Variants in NAA35 observed in about 807,000 individuals in gnomAD.
NAA35 encodes the protein MAK10 homolog, amino-acid N-acetyltransferase subunit.
A neutral mutation model predicts 101.7 loss-of-function variants in NAA35; 18 were observed. The ratio of observed to expected loss-of-function variants is 0.18; its 90% CI spans 0.12 to 0.26. The LOEUF (loss-of-function observed/expected upper bound fraction) is 0.26, where lower values mean the gene tolerates loss of function less well. Ranked by LOEUF, NAA35 falls within the 10% of genes least tolerant of loss-of-function variation. NAA35 has a pLI of 1.00. For missense variants in NAA35, 601 were observed against 886.8 expected (o/e 0.68, Z 4.09); for synonymous variants, 267 against 273.1 (o/e 0.98, Z 0.22).
intron 6 of NAA35, among the ~76,000 whole-genome samples, chr9:85,969,641 G>A (rs2117973699): frequency 6.6e-6 from 1 of 151,908 alleles, no homozygotes; most frequent in East Asian, 1.9e-4. Context: ...TTTTCAGCCA[G>A]ATCCTTTTTA....
chr9:85,972,132 C>G (rs2118001016), intron 6 of NAA35, among the ~76,000 whole-genome samples: 1 of 152,200 alleles, frequency 6.6e-6, no homozygotes, highest in South Asian at 2.1e-4. Context: ...TAAGACTCTT[C>G]TTGGCAAACT....
chr9:85,979,762 A>T (rs867682916), intron 11 of NAA35, among the ~76,000 whole-genome samples: 1 of 152,218 alleles, frequency 6.6e-6, no homozygotes, highest in Non-Finnish European at 1.5e-5. Flanking sequence ...TCATCAGTAC[A>T]GAAGACTTGA....
chr9:86,013,622 T>C, intron 16 of NAA35, 97 bp from the exon 17 acceptor site: 1 of 1,145,308 alleles, frequency 8.7e-7, no homozygotes. Context: ...ATTTAAATTT[T>C]CTGCTCATAT....
chr9:86,011,986 A>G (rs1480759180), intron 15 of NAA35, among the ~76,000 whole-genome samples: 1 of 143,038 alleles, frequency 7.0e-6, no homozygotes, highest in East Asian at 2.0e-4. Context: ...TATAATATAT[A>G]TTATATATAA....
At chr9:86,006,823 G>C (rs1266989338) in intron 13 of NAA35, among the ~76,000 whole-genome samples, 1 of 152,050 alleles carries the variant, frequency 6.6e-6, no homozygotes, top group Non-Finnish European at 1.5e-5. Flanking sequence ...TTTAAAAACA[G>C]TCTTAGGAAA....
rs1202739359 is a variant in NAA35, at chr9:86,018,694, T to C, written c.1915-5T>C. ...GTTTTGAATTATACTTCCCCTTCTT[T>C]TTAGGAAATGTCTGACCTCAATAAA... On this transcript the variant is annotated splice_region_variant and splice_polypyrimidine_tract_variant and intron_variant, in intron 20 of 22. Coordinates refer to ENST00000361671, the MANE Select transcript of NAA35 (RefSeq NM_024635.4). 3 of 1,607,834 alleles carry C rather than the reference T, an allele frequency of 1.9e-6. No homozygotes were observed. Among genetic ancestry groups the C allele is most frequent in the Non-Finnish European group, 2.5e-6 (3 of 1,178,492 alleles).
At chr9:85,989,247 C>T (rs1410049762) in intron 11 of NAA35, among the ~76,000 whole-genome samples, 1 of 151,614 alleles carries the variant, frequency 6.6e-6, no homozygotes, top group African/African-American at 2.4e-5. Flanking sequence ...CCAAGGTGGG[C>T]GGATCATGAG....
chr9:85,996,004 A>G (rs1232889454), intron 11 of NAA35, among the ~76,000 whole-genome samples: 1 of 152,206 alleles, frequency 6.6e-6, no homozygotes, highest in Non-Finnish European at 1.5e-5. Context: ...ATTGAGGGGA[A>G]GAGAAGCTTA....
chr9:85,958,708 A>G (rs1314889180), intron 4 of NAA35, 122 bp downstream of exon 4: 2 of 552,350 alleles, frequency 3.6e-6, no homozygotes, highest in Non-Finnish European at 6.0e-6. Context: ...CAGCTCAAGC[A>G]TATAAACAAG....
chr9:85,966,571 A>T, intron 6 of NAA35: 1 of 1,099,348 alleles, frequency 9.1e-7, no homozygotes, highest in Non-Finnish European at 1.2e-6. Flanking sequence ...TTTTTTTTTT[A>T]ACCTCACCCA....
At chr9:85,949,979 G>A (rs1403064269) in intron 2 of NAA35, among the ~76,000 whole-genome samples, 2 of 152,094 alleles carry the variant, frequency 1.3e-5, no homozygotes, top group Admixed American at 6.5e-5. Context: ...GTTAGTATAC[G>A]GTGGAATTTT....
At chr9:85,953,243 G>T (rs925322619) in intron 2 of NAA35, among the ~76,000 whole-genome samples, 25 of 145,472 alleles carry the variant, frequency 1.7e-4, no homozygotes, top group African/African-American at 5.6e-4. Context: ...TTTTTTTACC[G>T]GCTTAACCAT....
intron 11 of NAA35, among the ~76,000 whole-genome samples, chr9:85,996,197 A>G (rs1443735602): frequency 6.6e-6 from 1 of 152,162 alleles, no homozygotes; most frequent in Non-Finnish European, 1.5e-5. Flanking sequence ...GTACAGTTTT[A>G]GGTTATTAAA....
chr9:85,954,536 G>A (rs1451948607), intron 2 of NAA35, among the ~76,000 whole-genome samples: 1 of 152,140 alleles, frequency 6.6e-6, no homozygotes, highest in Non-Finnish European at 1.5e-5. Context: ...CCATCTTAAT[G>A]AGTGTAAGGT....
At chr9:85,950,818 G>GAGACATTT (rs1828985834) in intron 2 of NAA35, among the ~76,000 whole-genome samples, 1 of 151,956 alleles carries the variant, frequency 6.6e-6, no homozygotes, top group East Asian at 1.9e-4. Context: ...ATTTAAAACT[G>GAGACATTT]AGACATTTAA....
chr9:86,012,004 T>C (rs1831955737), intron 15 of NAA35, among the ~76,000 whole-genome samples: 1 of 144,682 alleles, frequency 6.9e-6, no homozygotes, highest in African/African-American at 2.5e-5. Context: ...TAATAATATA[T>C]AATGGAAAGG....
chr9:85,985,317 G>A (rs1830602116), intron 11 of NAA35, among the ~76,000 whole-genome samples: 1 of 152,140 alleles, frequency 6.6e-6, no homozygotes, highest in African/African-American at 2.4e-5. Context: ...AATGCTCATA[G>A]CAGCATTATT....
intron 2 of NAA35, among the ~76,000 whole-genome samples, chr9:85,955,348 A>ATG (rs1296792952): frequency 1.3e-4 from 9 of 67,940 alleles, no homozygotes; most frequent in Admixed American, 9.9e-4. Context: ...ATATATATAT[A>ATG]TATATATATA....
At position 86,023,034 on chromosome 9, in the gene NAA35, G is replaced by A. The variant is rs1163422247; in HGVS notation, c.*1074G>A. Among the ~76,000 whole-genome samples the A allele has an allele frequency of 2.0e-5, 3 of 152,094 alleles. No individual in the cohort carries two copies. Among genetic ancestry groups the A allele is most frequent in the African/African-American group, 7.2e-5 (3 of 41,420 alleles). ...GCTTCAAATATCTTAACTCTGATTT[G>A]GTACCTTTCATAAAAACATGATAGT... On this transcript the variant is annotated 3_prime_UTR_variant, in exon 23 of 23. Transcript: ENST00000361671.
Sources: allele counts gnomAD v4.1 joint callset (sites outside exome capture counted in the v4.1 genomes callset), GRCh38; gene constraint gnomAD v4.1.1; transcripts MANE v1.5; gene names NCBI Gene and HGNC (gene_info 2026-07-23, HGNC 2026-07-21).